ITCH: variants seen among roughly 807,000 people sequenced by gnomAD.
The protein encoded by ITCH is E3 ubiquitin-protein ligase Itchy homolog.
A neutral mutation model predicts 126.8 loss-of-function variants in ITCH; 28 were observed. That is an observed-to-expected ratio of 0.22 (90% CI 0.16 to 0.30). The LOEUF (loss-of-function observed/expected upper bound fraction) is 0.30, where lower values mean the gene tolerates loss of function less well. ITCH is among the 10% of genes least tolerant of loss of function. The pLI is 1.00. For synonymous variants in ITCH, 342 were observed against 340.0 expected (o/e 1.01, Z -0.06); for missense variants, 631 against 1,032.4 (o/e 0.61, Z 5.33).
At chr20:34,383,746 T>C (rs946279976) in intron 2 of ITCH, among the ~76,000 whole-genome samples, 29 of 151,556 alleles carry the variant, frequency 1.9e-4, no homozygotes, top group African/African-American at 7.0e-4. Flanking sequence ...CAGGTTGGTC[T>C]CGGAACTCCT....
chr20:34,458,103 G>A lies in ITCH; in HGVS notation c.1295+629G>A, dbSNP rs375125183. Reference sequence around the variant, plus strand: ...ATCACTGGTTAAGAATCTAGGGTATGTGGTTTCAAGGAGGAAGAAAATACA... The same window carrying A: ...ATCACTGGTTAAGAATCTAGGGTATATGGTTTCAAGGAGGAAGAAAATACA... On this transcript the variant is annotated intron_variant, in intron 13 of 24. Coordinates refer to ENST00000374864, the MANE Select transcript of ITCH (RefSeq NM_031483.7). Among the ~76,000 whole-genome samples, 11 of 152,248 alleles carry A rather than the reference G, an allele frequency of 7.2e-5. 1 individual carries two copies. The highest frequency in any genetic ancestry group is 2.6e-4 in the African/African-American group (11 of 41,540).
At chr20:34,457,694 T>G (rs543664962) in intron 13 of ITCH, among the ~76,000 whole-genome samples, 2 of 152,334 alleles carry the variant, frequency 1.3e-5, no homozygotes, top group South Asian at 4.1e-4. Context: ...TGGTGGCTCA[T>G]GCCCATTATC....
At chr20:34,381,466 G>T (rs968388394) in intron 2 of ITCH, among the ~76,000 whole-genome samples, 1 of 150,568 alleles carries the variant, frequency 6.6e-6, no homozygotes, top group African/African-American at 2.4e-5. Flanking sequence ...TTGCTTTGTC[G>T]CCCAGGCTGG....
intron 16 of ITCH, chr20:34,476,354 G>A (rs554545809): frequency 7.4e-6 from 10 of 1,346,400 alleles, no homozygotes; most frequent in African/African-American, 2.9e-5. Context: ...CCCGGTCCCC[G>A]GCTCCTCAGC....
intron 23 of ITCH, among the ~76,000 whole-genome samples, chr20:34,494,884 T>C (rs777051486): frequency 1.8e-4 from 28 of 151,912 alleles, no homozygotes; most frequent in Non-Finnish European, 3.4e-4. Flanking sequence ...ACTTGAGCCT[T>C]GGAGGTGAAG....
intron 3 of ITCH, among the ~76,000 whole-genome samples, chr20:34,406,368 T>A (rs2039058408): frequency 6.6e-6 from 1 of 152,082 alleles, no homozygotes; most frequent in Admixed American, 6.6e-5. Context: ...ACTCTTCTTT[T>A]TCTTCAGTCA....
chr20:34,464,114 A>G (rs1986796218), intron 14 of ITCH, among the ~76,000 whole-genome samples: 1 of 150,386 alleles, frequency 6.6e-6, no homozygotes, highest in Admixed American at 6.6e-5. Context: ...AGCTGGGCCT[A>G]CAGGCGCCCG....
At chr20:34,470,532 A>C (rs1987521879) in intron 15 of ITCH, among the ~76,000 whole-genome samples, 1 of 152,150 alleles carries the variant, frequency 6.6e-6, no homozygotes. Context: ...TTCAGATTGC[A>C]GGAATCTTCA....
At chr20:34,505,941 C>T (rs1569015000) in intron 24 of ITCH, among the ~76,000 whole-genome samples, 2 of 152,112 alleles carry the variant, frequency 1.3e-5, no homozygotes, top group Admixed American at 6.5e-5. Flanking sequence ...TATTTCATTC[C>T]TTTTTAAAAT....
chr20:34,494,081 T>C (rs1358379652), intron 23 of ITCH, among the ~76,000 whole-genome samples: 2 of 152,110 alleles, frequency 1.3e-5, no homozygotes, highest in African/African-American at 4.8e-5. Context: ...ATACAAAAAT[T>C]AGCCGGGCGT....
At chr20:34,398,114 G>A (rs893651888) in intron 3 of ITCH, among the ~76,000 whole-genome samples, 3 of 151,924 alleles carry the variant, frequency 2.0e-5, no homozygotes, top group Middle Eastern at 3.4e-3. Flanking sequence ...CCAGGCTGGT[G>A]TGCAGCAGCG....
intron 12 of ITCH, among the ~76,000 whole-genome samples, chr20:34,454,817 GTTTTTTTTTTTTT>G (rs200486269): frequency 1.6e-4 from 18 of 109,558 alleles, no homozygotes; most frequent in Admixed American, 1.2e-3. Context: ...TTCTTTTCCT[GTTTTTTTTTTTTT>G]TTTTTTTTTT....
At position 34,412,611 on chromosome 20, in the gene ITCH, T is replaced by C. The variant is rs1434952288; in HGVS notation, c.309T>C (p.Tyr103=). The change falls in exon 5 of 25, where the codon TAT becomes TAC. Residue 103 remains tyrosine (Y), a synonymous_variant. Coordinates refer to ENST00000374864, the MANE Select transcript of ITCH (RefSeq NM_031483.7). ...VLLGTAALDI[Y]ETLKSNNMKL... Reference sequence around the variant, plus strand: ...TGGGAACTGCTGCATTAGATATTTATGAAACATTAAAGTCAAACAATATGA... The same window carrying C: ...TGGGAACTGCTGCATTAGATATTTACGAAACATTAAAGTCAAACAATATGA... 6.2e-7 allele frequency: 1 copy of C among 1,606,304 alleles called. No homozygotes were observed. The highest frequency in any genetic ancestry group is 8.5e-7 in the Non-Finnish European group (1 of 1,173,182).
chr20:34,409,145 C>G (rs1010122080), intron 4 of ITCH, among the ~76,000 whole-genome samples: 3 of 137,786 alleles, frequency 2.2e-5, no homozygotes, highest in Non-Finnish European at 4.7e-5. Flanking sequence ...GTACTCCCCC[C>G]CCCCCCGGTT....
intron 6 of ITCH, among the ~76,000 whole-genome samples, chr20:34,414,457 CTTTTTTTTTTTTTTT>C (rs770240058): frequency 2.8e-5 from 2 of 70,826 alleles, no homozygotes; most frequent in South Asian, 5.3e-4. Flanking sequence ...ACTTTAAATC[CTTTTTTTTTTTTTTT>C]TTTTTTTTTT....
chr20:34,464,319 T>TAA (rs1986831210), intron 14 of ITCH, among the ~76,000 whole-genome samples: 1 of 149,858 alleles, frequency 6.7e-6, no homozygotes, highest in Non-Finnish European at 1.5e-5. Flanking sequence ...TCTTTCTTTC[T>TAA]TTCTTTTTTT....
chr20:34,473,611 A>C (rs959437304), intron 16 of ITCH, among the ~76,000 whole-genome samples: 1 of 152,252 alleles, frequency 6.6e-6, no homozygotes, highest in African/African-American at 2.4e-5. Context: ...CAAAGAGTAC[A>C]AAGTTAAACC....
chr20:34,395,569 C>T (rs1412365139), intron 3 of ITCH, among the ~76,000 whole-genome samples: 3 of 152,150 alleles, frequency 2.0e-5, no homozygotes, highest in African/African-American at 7.2e-5. Context: ...TAATTTCGTC[C>T]TTCCAAAAAG....
Position 34,449,428 on chromosome 20 carries a change from T to C in ITCH, c.1158T>C (p.Ala386=). Residue 386 remains alanine (A), a synonymous_variant, in exon 12 of 25, where the codon GCT becomes GCC. Coordinates refer to ENST00000374864, the MANE Select transcript of ITCH (RefSeq NM_031483.7). ...RFIYGNQDLF[A]TSQSKEFDPL... ...CTTTTTAGAATCAAGATTTATTTGC[T>C]ACATCACAAAGTAAAGAATTTGATC... is the stretch of plus-strand genomic sequence containing the variant. The C allele has an allele frequency of 6.2e-7, 1 of 1,610,410 alleles. No individual in the cohort carries two copies. Among genetic ancestry groups the C allele is most frequent in the South Asian group, 1.1e-5 (1 of 90,914 alleles).
Sources: allele counts gnomAD v4.1 joint callset (sites outside exome capture counted in the v4.1 genomes callset), GRCh38; gene constraint gnomAD v4.1.1; transcripts MANE v1.5; gene names NCBI Gene and HGNC (gene_info 2026-07-23, HGNC 2026-07-21).